UBN1: variants seen among roughly 807,000 people sequenced by gnomAD.
UBN1 encodes the protein ubinuclein-1.
In UBN1, 17 loss-of-function variants were observed where a neutral mutation model predicts 108.5. The observed-to-expected ratio is 0.16, with a 90% confidence interval of 0.11 to 0.24. The LOEUF is 0.24. Among genes scored for constraint, UBN1 ranks in the 10% least tolerant of loss-of-function variants. The probability of loss-of-function intolerance (pLI) is 1.00; values close to 1 mark genes in which losing one functional copy is unlikely to be tolerated. For synonymous variants in UBN1, 726 were observed against 564.2 expected (o/e 1.29, Z -4.07); for missense variants, 1,595 against 1,394.4 (o/e 1.14, Z -2.29).
intron 1 of UBN1, among the ~76,000 whole-genome samples, chr16:4,850,939 A>C (rs2086528762): frequency 6.6e-6 from 1 of 152,214 alleles, no homozygotes; most frequent in South Asian, 2.1e-4. Flanking sequence ...ATGAGCTTTA[A>C]CTTTGCAACA....
At chr16:4,863,680 A>G (rs2087177016) in intron 7 of UBN1, among the ~76,000 whole-genome samples, 2 of 152,140 alleles carry the variant, frequency 1.3e-5, no homozygotes, top group Non-Finnish European at 1.5e-5. Flanking sequence ...GTGACACACA[A>G]ATCAGTTTCT....
At chr16:4,870,757 T>A in intron 10 of UBN1, 87 bp from the exon 11 acceptor site, 1 of 1,592,674 alleles carries the variant, frequency 6.3e-7, no homozygotes, top group Non-Finnish European at 8.5e-7. Flanking sequence ...TTTCTCCTTC[T>A]CTGTGAAGTC....
At chr16:4,871,042 C>G in intron 11 of UBN1, 70 bp downstream of exon 11, 1 of 1,604,928 alleles carries the variant, frequency 6.2e-7, no homozygotes, top group Non-Finnish European at 8.5e-7. Flanking sequence ...TCCCCTATTG[C>G]TGACAAAGGT....
At chr16:4,848,907 C>T (rs139284260) in intron 1 of UBN1, among the ~76,000 whole-genome samples, 4 of 152,252 alleles carry the variant, frequency 2.6e-5, no homozygotes, top group Admixed American at 2.0e-4. Context: ...TCGAGACCAG[C>T]CTGGCCAACA....
Position 4,877,148 on chromosome 16 carries a change from C to T in UBN1, c.3265+37C>T. On this transcript the variant is annotated intron_variant, in intron 16 of 17. Coordinates refer to ENST00000262376, the MANE Select transcript of UBN1 (RefSeq NM_001079514.3). This position sits in a 1 kb window ranked among gnomAD's most constrained non-coding sequence, Gnocchi z 4.3. ...TTTGCTGCCTCTGGTCACTCAGGAA[C>T]CTCTAGATTGTGGCCAGGGGTCCTG... is the stretch of plus-strand genomic sequence containing the variant. 2 of 1,566,558 alleles carry T rather than the reference C, an allele frequency of 1.3e-6. No homozygotes were observed. The highest frequency in any genetic ancestry group is 1.2e-5 in the South Asian group (1 of 83,080).
At chr16:4,849,949 C>CAA (rs751842571) in intron 1 of UBN1, among the ~76,000 whole-genome samples, 5 of 72,176 alleles carry the variant, frequency 6.9e-5, no homozygotes, top group East Asian at 9.0e-4. Context: ...AACTGTCTCA[C>CAA]AAAAAAAAAA....
rs1228713110 is a variant in UBN1, at chr16:4,875,209, G to C, written c.2799G>C (p.Leu933=). Residue 933 remains leucine (L), a synonymous_variant, in exon 15 of 18, where the codon CTG becomes CTC. Transcript: ENST00000262376. ...TCCAGAGTTCTGTTTCTGGGAGCCT[G>C]GTCCCTGGCATACAGCCTCCCTCCG... ...TPVQSSVSGS[L]VPGIQPPSVG... is the part of the protein sequence containing the mutation. 1 of 1,614,122 alleles carries C rather than the reference G, an allele frequency of 6.2e-7. No homozygotes were observed. The highest frequency in any genetic ancestry group is 1.3e-5 in the African/African-American group (1 of 74,946).
chr16:4,851,442 C>T (rs1175541977), intron 1 of UBN1, among the ~76,000 whole-genome samples: 1 of 151,680 alleles, frequency 6.6e-6, no homozygotes, highest in East Asian at 1.9e-4. Flanking sequence ...AGAGTGAGAC[C>T]TTGTCTCAAA....
chr16:4,879,593 G>A (rs1013168077), intron 17 of UBN1, among the ~76,000 whole-genome samples: 3 of 152,220 alleles, frequency 2.0e-5, no homozygotes, highest in African/African-American at 4.8e-5. Context: ...CACGAGATGC[G>A]AGTAAGAAGC....
intron 15 of UBN1, 66 bp downstream of exon 15, chr16:4,875,500 C>G: frequency 6.5e-7 from 1 of 1,540,744 alleles, no homozygotes; most frequent in South Asian, 1.3e-5. Flanking sequence ...AGGTTGCTTG[C>G]CTTGCCCCGG....
At position 4,874,196 on chromosome 16, in the gene UBN1, T is replaced by C; in HGVS notation, c.1801-15T>C. 6.5e-7 allele frequency: 1 copy of C among 1,531,274 alleles called. No homozygotes were observed. Among genetic ancestry groups the C allele is most frequent in the South Asian group, 1.3e-5 (1 of 78,258 alleles). The allele number at this position is 1,531,274 out of a possible 1,614,324, so 94.9% of individuals were successfully genotyped here. A position where few individuals can be genotyped will look rare whatever the true frequency, so the allele number is the denominator to read the frequency against. ...TTGGACCTTTCTAAACATCAACATT[T>C]CTGTTTTCCTTTAGGAATCGTCTAC... On this transcript the variant is annotated splice_polypyrimidine_tract_variant and intron_variant, in intron 14 of 17. Coordinates refer to ENST00000262376, the MANE Select transcript of UBN1 (RefSeq NM_001079514.3).
rs1239604973 is a variant in UBN1, at chr16:4,880,790, T to C, written c.*658T>C. 6.5e-6 allele frequency: 1 copy of C among 152,704 alleles called. No individual in the cohort carries two copies. The highest frequency in any genetic ancestry group is 2.4e-5 in the African/African-American group (1 of 41,458). The allele number at this position is 152,704 out of a possible 1,614,324, so 9.5% of individuals were successfully genotyped here. A position where few individuals can be genotyped will look rare whatever the true frequency, so the allele number is the denominator to read the frequency against. On this transcript the variant is annotated 3_prime_UTR_variant, in exon 18 of 18. Transcript: ENST00000262376. ...ATAGGATTTTTACAGACACCTATTT[T>C]GGGCTCAGTTTTCATCATTACCATT...
chr16:4,858,820 C>T (rs568297667), intron 4 of UBN1, 157 bp downstream of exon 4: 92 of 942,876 alleles, frequency 9.8e-5, no homozygotes, highest in Middle Eastern at 2.7e-4. Context: ...ATTCTTTATC[C>T]GGGTCTTAGT....
intron 7 of UBN1, among the ~76,000 whole-genome samples, chr16:4,865,916 C>G (rs749232531): frequency 6.6e-6 from 1 of 152,082 alleles, no homozygotes; most frequent in Non-Finnish European, 1.5e-5. Flanking sequence ...GAGCTGAGAT[C>G]ACGCCATTGC....
At chr16:4,856,638 G>T (rs998909880) in intron 2 of UBN1, among the ~76,000 whole-genome samples, 4 of 152,056 alleles carry the variant, frequency 2.6e-5, no homozygotes, top group East Asian at 1.9e-4. Flanking sequence ...GACAGAGCTG[G>T]ACCTTCCGTC....
intron 7 of UBN1, 101 bp from the exon 8 acceptor site, chr16:4,868,732 C>T (rs947430608): frequency 7.0e-6 from 8 of 1,140,500 alleles, no homozygotes; most frequent in Non-Finnish European, 1.0e-5. Flanking sequence ...ACTGTATTGA[C>T]AGGTGCTCTT....
intron 7 of UBN1, among the ~76,000 whole-genome samples, chr16:4,863,523 G>C (rs985768431): frequency 6.6e-6 from 1 of 152,002 alleles, no homozygotes; most frequent in South Asian, 2.1e-4. Flanking sequence ...AATGGACATC[G>C]CATTTTTAAA....
intron 17 of UBN1, among the ~76,000 whole-genome samples, chr16:4,879,389 T>C (rs546772418): frequency 1.3e-5 from 2 of 152,026 alleles, no homozygotes; most frequent in South Asian, 2.1e-4. Context: ...TAGTGTGCTG[T>C]GATCATGCTT....
chr16:4,863,880 A>G (rs1418169216), intron 7 of UBN1, among the ~76,000 whole-genome samples: 3 of 151,848 alleles, frequency 2.0e-5, no homozygotes, highest in Non-Finnish European at 4.4e-5. Flanking sequence ...TCAAGAGGGG[A>G]AAGGTGGAAG....
Sources: allele counts gnomAD v4.1 joint callset (sites outside exome capture counted in the v4.1 genomes callset), GRCh38; gene constraint gnomAD v4.1.1; non-coding constraint Gnocchi (gnomAD v3.1); transcripts MANE v1.5; gene names NCBI Gene and HGNC (gene_info 2026-07-23, HGNC 2026-07-21).